NAALADL2: variants seen among roughly 807,000 people sequenced by gnomAD.
The protein encoded by NAALADL2 is inactive N-acetylated-alpha-linked acidic dipeptidase-like protein 2.
Under a neutral mutation model 87.2 loss-of-function variants are expected in NAALADL2, and 76 were observed. That is an observed-to-expected ratio of 0.87 (90% CI 0.72 to 1.05). NAALADL2 has a LOEUF of 1.05. Among genes scored for constraint, NAALADL2 ranks in the 50% least tolerant of loss-of-function variants. The probability of loss-of-function intolerance (pLI) is 0.00; values close to 1 mark genes in which losing one functional copy is unlikely to be tolerated. For missense variants in NAALADL2, 1,089 were observed against 945.8 expected (o/e 1.15, Z -1.99); for synonymous variants, 354 against 331.0 (o/e 1.07, Z -0.75).
At chr3:175,624,421 A>G (rs1726695932) in intron 10 of NAALADL2, among the ~76,000 whole-genome samples, 1 of 152,096 alleles carries the variant, frequency 6.6e-6, no homozygotes, top group Non-Finnish European at 1.5e-5. Flanking sequence ...AATATTTATT[A>G]AGAAAGCTTA....
rs1475877710 is a variant in NAALADL2 at position 175,806,244 on chromosome 3, G to A, written c.*3041G>A. 2 of 151,732 alleles carry A rather than the reference G, an allele frequency of 1.3e-5. No homozygotes were observed. The highest frequency in any genetic ancestry group is 1.3e-4 in the Admixed American group (2 of 15,186). 9.4% of individuals were successfully genotyped at this position (151,732 alleles called of 1,614,324 possible). ...ATTCAGGCAAAGGACACAAAGACTG[G>A]GTACTTGAGAGAAAGTGGGGAGAAT... On this transcript the variant is annotated 3_prime_UTR_variant, in exon 14 of 14. Coordinates refer to ENST00000454872, the MANE Select transcript of NAALADL2 (RefSeq NM_207015.3).
chr3:174,590,288 A>G (rs955236753), intron 2 of NAALADL2, among the ~76,000 whole-genome samples: 1 of 152,080 alleles, frequency 6.6e-6, no homozygotes, highest in Non-Finnish European at 1.5e-5. Context: ...CTTTATTTGA[A>G]CCATATAGAA....
chr3:175,135,273 T>C (rs1169904691), intron 2 of NAALADL2, among the ~76,000 whole-genome samples: 1 of 152,172 alleles, frequency 6.6e-6, no homozygotes, highest in Non-Finnish European at 1.5e-5. Context: ...AGGGGTTTAT[T>C]TCAAAATCAT....
chr3:174,741,531 AT>A (rs1228807043), intron 3 of NAALADL2, among the ~76,000 whole-genome samples: 1 of 151,572 alleles, frequency 6.6e-6, no homozygotes, highest in Non-Finnish European at 1.5e-5. Context: ...TATTTTTTAT[AT>A]TTTTAAGAAT....
intron 4 of NAALADL2, among the ~76,000 whole-genome samples, chr3:175,304,314 G>A (rs1278700333): frequency 1.3e-5 from 2 of 152,016 alleles, no homozygotes; most frequent in Non-Finnish European, 2.9e-5. Context: ...CTCCAGATAT[G>A]GAACATACTG....
intron 2 of NAALADL2, among the ~76,000 whole-genome samples, chr3:174,643,593 G>T (rs937635397): frequency 6.6e-6 from 1 of 152,132 alleles, no homozygotes; most frequent in Non-Finnish European, 1.5e-5. Flanking sequence ...GGCAGAGGTT[G>T]CAGTGAGCCG....
At chr3:174,907,743 T>C (rs538968530) in intron 1 of NAALADL2, among the ~76,000 whole-genome samples, 624 of 152,168 alleles carry the variant, frequency 4.1e-3, no homozygotes, top group Non-Finnish European at 5.9e-3. Flanking sequence ...TCAGATTGTA[T>C]TGTGGATCTA....
chr3:175,338,175 T>C (rs1762188860), intron 5 of NAALADL2, among the ~76,000 whole-genome samples: 1 of 152,166 alleles, frequency 6.6e-6, no homozygotes, highest in Non-Finnish European at 1.5e-5. Flanking sequence ...GGAAGAGATT[T>C]ATTTTAAAAA....
intron 2 of NAALADL2, among the ~76,000 whole-genome samples, chr3:174,683,135 C>T (rs559933089): frequency 6.6e-6 from 1 of 152,196 alleles, no homozygotes; most frequent in East Asian, 1.9e-4. Context: ...CTGAAGAATG[C>T]ATGCAGCATA....
chr3:175,428,718 A>G (rs1323371839), intron 5 of NAALADL2, among the ~76,000 whole-genome samples: 1 of 152,072 alleles, frequency 6.6e-6, no homozygotes, highest in Non-Finnish European at 1.5e-5. Flanking sequence ...TGGGACAACT[A>G]TAGCTGCCTC....
At chr3:175,307,389 T>A (rs1024854967) in intron 4 of NAALADL2, among the ~76,000 whole-genome samples, 2 of 152,098 alleles carry the variant, frequency 1.3e-5, no homozygotes, top group African/African-American at 4.8e-5. Flanking sequence ...TTAACGTATG[T>A]TATGTATGGG....
intron 2 of NAALADL2, among the ~76,000 whole-genome samples, chr3:174,695,465 G>GTC (rs1560150723): frequency 2.0e-5 from 3 of 151,690 alleles, no homozygotes; most frequent in Non-Finnish European, 2.9e-5. Flanking sequence ...GTCCTTTTGA[G>GTC]TCTCTCTCTC....
chr3:175,399,675 A>C, intron 5 of NAALADL2, among the ~76,000 whole-genome samples: 1 of 152,036 alleles, frequency 6.6e-6, no homozygotes, highest in East Asian at 1.9e-4. Flanking sequence ...CTTTACTGCA[A>C]CCTGTTTTGT....
At chr3:175,085,639 T>C (rs926645197) in intron 1 of NAALADL2, among the ~76,000 whole-genome samples, 1 of 152,114 alleles carries the variant, frequency 6.6e-6, no homozygotes, top group Non-Finnish European at 1.5e-5. Flanking sequence ...GATATAGATA[T>C]TTTTGCCAGT....
chr3:175,683,513 G>A (rs149480700), intron 11 of NAALADL2, among the ~76,000 whole-genome samples: 173 of 151,882 alleles, frequency 1.1e-3, no homozygotes, highest in Non-Finnish European at 2.1e-3. Flanking sequence ...TGTATTTAAG[G>A]TAAATGGTAA....
At chr3:175,795,248 G>T (rs1350831872) in intron 13 of NAALADL2, among the ~76,000 whole-genome samples, 1 of 152,150 alleles carries the variant, frequency 6.6e-6, no homozygotes, top group East Asian at 1.9e-4. Context: ...TCTGTGAACA[G>T]ATTTTTAAAC....
chr3:174,958,961 T>G (rs2108545802), intron 1 of NAALADL2, among the ~76,000 whole-genome samples: 1 of 152,224 alleles, frequency 6.6e-6, no homozygotes, highest in Non-Finnish European at 1.5e-5. Context: ...AAAAAGTAAT[T>G]ATTTCCGAAG....
At chr3:175,120,941 A>G (rs1032200243) in intron 2 of NAALADL2, among the ~76,000 whole-genome samples, 1 of 151,888 alleles carries the variant, frequency 6.6e-6, no homozygotes, top group Admixed American at 6.6e-5. Flanking sequence ...CACGTCTTTC[A>G]TAAAGCTATA....
intron 1 of NAALADL2, among the ~76,000 whole-genome samples, chr3:174,480,078 G>T (rs1045169673): frequency 1.3e-5 from 2 of 152,052 alleles, no homozygotes; most frequent in African/African-American, 4.8e-5. Flanking sequence ...AAATAAAGGC[G>T]TGTGGCTTGC....
Sources: allele counts gnomAD v4.1 joint callset (sites outside exome capture counted in the v4.1 genomes callset), GRCh38; gene constraint gnomAD v4.1.1; transcripts MANE v1.5; gene names NCBI Gene and HGNC (gene_info 2026-07-23, HGNC 2026-07-21).